Variants in EXOC4 observed in about 807,000 individuals in gnomAD.
The protein encoded by EXOC4 is exocyst complex component 4, also known as SEC8-like 1.
EXOC4 carries 71 observed loss-of-function variants against 107.2 expected under a neutral mutation model. The observed-to-expected ratio is 0.66, with a 90% CI of 0.55 to 0.81. The LOEUF (loss-of-function observed/expected upper bound fraction) is 0.81. EXOC4 is among the 30% of genes least tolerant of loss of function. The pLI is 0.00. For missense variants in EXOC4, 1,108 were observed against 1,189.6 expected (o/e 0.93, Z 1.01); for synonymous variants, 456 against 441.2 (o/e 1.03, Z -0.42).
chr7:133,270,336 C>T (rs1279944190), intron 1 of EXOC4, among the ~76,000 whole-genome samples: 1 of 152,102 alleles, frequency 6.6e-6, no homozygotes, highest in Non-Finnish European at 1.5e-5. Flanking sequence ...GATGTTTTTG[C>T]AATAAATTAA....
intron 9 of EXOC4, among the ~76,000 whole-genome samples, chr7:133,623,187 A>G (rs1035720381): frequency 1.3e-5 from 2 of 151,726 alleles, no homozygotes; most frequent in Non-Finnish European, 2.9e-5. Context: ...GTCTTAACCT[A>G]AAGTATAACG....
intron 10 of EXOC4, among the ~76,000 whole-genome samples, chr7:133,685,252 G>C (rs189199641): frequency 1.3e-5 from 2 of 152,288 alleles, no homozygotes; most frequent in East Asian, 3.9e-4. Context: ...ACCAGGTGGA[G>C]GTCATTTAAT....
intron 3 of EXOC4, among the ~76,000 whole-genome samples, chr7:133,303,433 C>CA (rs917930725): frequency 5.3e-5 from 8 of 150,780 alleles, no homozygotes; most frequent in Admixed American, 4.6e-4. Flanking sequence ...GACTCCATCT[C>CA]AAAAAAACAA....
intron 7 of EXOC4, among the ~76,000 whole-genome samples, chr7:133,437,032 A>G (rs1797992111): frequency 1.3e-5 from 2 of 152,208 alleles, no homozygotes; most frequent in South Asian, 4.1e-4. Context: ...AGAAACTTCC[A>G]TGATTCATTA....
intron 7 of EXOC4, among the ~76,000 whole-genome samples, chr7:133,414,419 A>C (rs1797428595): frequency 6.6e-6 from 1 of 152,198 alleles, no homozygotes. Flanking sequence ...ATATCTGGTA[A>C]AGTTGAAGAT....
intron 17 of EXOC4, among the ~76,000 whole-genome samples, chr7:134,044,637 G>A (rs1217153074): frequency 0.02 from 1 of 50 alleles, no homozygotes; most frequent in Non-Finnish European, 0.045. Context: ...CTGTGAAAGA[G>A]CAGACAATGC....
At chr7:133,524,760 T>C (rs937042925) in intron 9 of EXOC4, among the ~76,000 whole-genome samples, 2 of 152,150 alleles carry the variant, frequency 1.3e-5, no homozygotes, top group Non-Finnish European at 2.9e-5. Flanking sequence ...AGATATGTGG[T>C]GTTATTTCTG....
intron 2 of EXOC4, among the ~76,000 whole-genome samples, chr7:133,279,171 A>T (rs1179766820): frequency 2.0e-5 from 3 of 152,224 alleles, no homozygotes; most frequent in Non-Finnish European, 4.4e-5. Context: ...ATGGCTGCAT[A>T]GTATTCCCTG....
chr7:133,511,371 G>C (rs6467495), intron 9 of EXOC4, among the ~76,000 whole-genome samples: 128,953 of 152,092 alleles, frequency 0.85, 55,039 homozygotes, highest in East Asian at 0.95. Context: ...GGGAAGATGA[G>C]ATATATGGGG....
chr7:133,643,870 A>T (rs1032777667), intron 10 of EXOC4, among the ~76,000 whole-genome samples: 1 of 152,222 alleles, frequency 6.6e-6, no homozygotes, highest in Non-Finnish European at 1.5e-5. Context: ...TCACGTGGTC[A>T]TGGCTGGTAT....
At chr7:133,588,742 A>C (rs1801466456) in intron 9 of EXOC4, among the ~76,000 whole-genome samples, 1 of 152,030 alleles carries the variant, frequency 6.6e-6, no homozygotes, top group Non-Finnish European at 1.5e-5. Flanking sequence ...AAAATACAAA[A>C]ATTAGCTGGG....
chr7:134,030,622 C>T (rs1795246590), intron 17 of EXOC4, among the ~76,000 whole-genome samples: 1 of 152,086 alleles, frequency 6.6e-6, no homozygotes, highest in Non-Finnish European at 1.5e-5. Context: ...ATGACAAAGG[C>T]TTGGAGCAAA....
rs139133556 is a variant in EXOC4, at chr7:133,288,434, G to C, written c.277-488G>C. On this transcript the variant is annotated intron_variant, in intron 2 of 17. Coordinates refer to ENST00000253861, the MANE Select transcript of EXOC4 (RefSeq NM_021807.4). ...GTGCCTACTTTCTTTTGGAAGCTGG[G>C]GTTACTTTTATTTTAGTTAGGTTGA... Among the ~76,000 whole-genome samples, 1,483 of 152,080 alleles carry C rather than the reference G, an allele frequency of 9.8e-3. 20 individuals carry two copies. The highest frequency in any genetic ancestry group is 0.033 in the African/African-American group (1,387 of 41,476).
At chr7:133,322,928 C>A (rs10258749) in intron 5 of EXOC4, among the ~76,000 whole-genome samples, 128 of 152,260 alleles carry the variant, frequency 8.4e-4, no homozygotes, top group African/African-American at 2.9e-3. Flanking sequence ...AGAGGTCCTT[C>A]ACATCCTTTG....
chr7:133,520,122 T>C lies in EXOC4; in HGVS notation c.1417+39984T>C, dbSNP rs542428012. 1.8e-3 allele frequency among the ~76,000 whole-genome samples: 267 copies of C among 152,322 alleles called. 1 individual carries two copies. Among genetic ancestry groups the C allele is most frequent in the African/African-American group, 6.0e-3 (250 of 41,564 alleles). The stretch of plus-strand genomic sequence containing the variant: ...ATATTACCACAAAAATGTAAAACTT[T>C]TAATAATCCAAACATATAAAATTAA... On this transcript the variant is annotated intron_variant, in intron 9 of 17. Coordinates refer to ENST00000253861, the MANE Select transcript of EXOC4 (RefSeq NM_021807.4).
At chr7:134,017,797 T>C (rs1794943936) in intron 17 of EXOC4, among the ~76,000 whole-genome samples, 1 of 152,206 alleles carries the variant, frequency 6.6e-6, no homozygotes, top group Admixed American at 6.5e-5. Context: ...TAAACATATC[T>C]CATGTGTGAG....
intron 9 of EXOC4, among the ~76,000 whole-genome samples, chr7:133,489,230 A>C (rs1471456939): frequency 6.6e-6 from 1 of 151,978 alleles, no homozygotes; most frequent in African/African-American, 2.4e-5. Flanking sequence ...TGGGGATTCA[A>C]AGATCCTAGT....
chr7:133,885,766 T>C (rs190536872), intron 11 of EXOC4, among the ~76,000 whole-genome samples: 1 of 152,306 alleles, frequency 6.6e-6, no homozygotes, highest in African/African-American at 2.4e-5. Flanking sequence ...GAAATTAGCC[T>C]GGTGCAGGCA....
intron 10 of EXOC4, among the ~76,000 whole-genome samples, chr7:133,780,674 G>A (rs1028356934): frequency 3.3e-5 from 5 of 152,166 alleles, no homozygotes; most frequent in Non-Finnish European, 2.9e-5. Context: ...GAGTGGGCCA[G>A]TTCAGGTTGG....
Sources: allele counts gnomAD v4.1 joint callset (sites outside exome capture counted in the v4.1 genomes callset), GRCh38; gene constraint gnomAD v4.1.1; transcripts MANE v1.5; gene names NCBI Gene and HGNC (gene_info 2026-07-23, HGNC 2026-07-21).